The following ABLIM2 variants were observed in gnomAD, a reference collection of about 807,000 sequenced individuals.
ABLIM2 encodes actin binding LIM protein family member 2.
A neutral mutation model predicts 97.7 loss-of-function variants in ABLIM2; 53 were observed. The observed-to-expected ratio is 0.54, with a 90% CI of 0.44 to 0.68. ABLIM2 has a LOEUF of 0.68. Among genes scored for constraint, ABLIM2 ranks in the 30% least tolerant of loss-of-function variants. The probability of loss-of-function intolerance (pLI) is 0.00; values close to 1 mark genes in which losing one functional copy is unlikely to be tolerated. For synonymous variants in ABLIM2, 361 were observed against 345.8 expected, an observed-to-expected ratio of 1.04 and a Z score of -0.49; for missense variants, 835 against 867.2, an observed-to-expected ratio of 0.96 and a Z score of 0.47.
At chr4:7,979,822 G>C (rs1736583991) in intron 20 of ABLIM2, among the ~76,000 whole-genome samples, 1 of 152,186 alleles carries the variant, frequency 6.6e-6, no homozygotes, top group South Asian at 2.1e-4. Flanking sequence ...TGCATTCCTT[G>C]GGTCAAACTA....
intron 12 of ABLIM2, among the ~76,000 whole-genome samples, chr4:8,025,548 G>A (rs145594644): frequency 5.0e-4 from 76 of 152,348 alleles, no homozygotes; most frequent in Non-Finnish European, 8.2e-4. Context: ...CTCGGGAGCT[G>A]AGGAGGGGGC....
chr4:7,971,731 C>T (rs1728227428), intron 20 of ABLIM2, among the ~76,000 whole-genome samples: 1 of 152,120 alleles, frequency 6.6e-6, no homozygotes, highest in Non-Finnish European at 1.5e-5. Flanking sequence ...TACCAACCTC[C>T]AGCCCTAAGT....
Position 8,046,506 on chromosome 4 carries a change from C to T in ABLIM2, c.823-1265G>A, listed in dbSNP as rs577652572. Among the ~76,000 whole-genome samples the T allele has an allele frequency of 1.1e-4, 16 of 152,304 alleles. No homozygotes were observed. The East Asian group carries it at 2.7e-3, about 26-fold the overall frequency. On this transcript the variant is annotated intron_variant, in intron 8 of 20. Transcript: ENST00000447017. The surrounding 1 kb of genome is among the most constrained non-coding windows in gnomAD (Gnocchi z 4.4). ...AAGAGCTCAGCCCTCACTCTCCCCA[C>T]GGCCCCCACGTCCTCTGCTGCTTCG... is the stretch of plus-strand genomic sequence containing the variant.
In ABLIM2 at chr4:8,143,966, G is replaced by A. The variant is rs548705136; in HGVS notation, c.10+14714C>T. On this transcript the variant is annotated intron_variant, in intron 1 of 20. Transcript: ENST00000447017. ...GCAGGTCCTCACCGAGGAAACTGGC[G>A]CTCGGAGGGGAGGACTTAGGTCCTG... 1.4e-4 allele frequency among the ~76,000 whole-genome samples: 21 copies of A among 152,268 alleles called. No individual in the cohort carries two copies. In the South Asian group the frequency reaches 3.9e-3, roughly 29 times the overall value.
chr4:8,110,620 T>C lies in ABLIM2; in HGVS notation c.11-3983A>G, dbSNP rs1283801868. 2.6e-5 allele frequency among the ~76,000 whole-genome samples: 4 copies of C among 151,576 alleles called. No homozygotes were observed. The East Asian group carries it at 7.8e-4, about 29-fold the overall frequency. On this transcript the variant is annotated intron_variant, in intron 1 of 20. Coordinates refer to ENST00000447017, the MANE Select transcript of ABLIM2 (RefSeq NM_001130083.2). ...CAAGAACACTGGCCTGACATCACTG[T>C]TTCCAGGTGACTGGAAATATACTTG...
chr4:8,152,446 T>C (rs1406683088), intron 1 of ABLIM2, among the ~76,000 whole-genome samples: 1 of 152,208 alleles, frequency 6.6e-6, no homozygotes, highest in Non-Finnish European at 1.5e-5. Context: ...TATACGAGCA[T>C]CTGGCCCAGG....
At chr4:8,141,698 A>G (rs893645186) in intron 1 of ABLIM2, among the ~76,000 whole-genome samples, 3 of 152,176 alleles carry the variant, frequency 2.0e-5, no homozygotes, top group African/African-American at 7.2e-5. Flanking sequence ...TCAGCCAGTT[A>G]TGCTTGATAT....
chr4:8,070,911 C>T (rs984169658), intron 6 of ABLIM2, among the ~76,000 whole-genome samples: 2 of 152,122 alleles, frequency 1.3e-5, no homozygotes, highest in Admixed American at 6.5e-5. Flanking sequence ...CGAGGCACAC[C>T]GGTCCAGACC....
At position 8,123,611 on chromosome 4, in the gene ABLIM2, G is replaced by C. The variant is rs1314489528; in HGVS notation, c.11-16974C>G. Reference sequence around the variant, plus strand: ...CCAGGCAGGGGAAACTGGCTGCAGAGGCTCTGTGACATTCACTAACCACCT... The same window carrying C: ...CCAGGCAGGGGAAACTGGCTGCAGACGCTCTGTGACATTCACTAACCACCT... On this transcript the variant is annotated intron_variant, in intron 1 of 20. Coordinates refer to ENST00000447017, the MANE Select transcript of ABLIM2 (RefSeq NM_001130083.2). The surrounding 1 kb of genome is among the most constrained non-coding windows in gnomAD (Gnocchi z 6.2). Among the ~76,000 whole-genome samples the C allele has an allele frequency of 2.6e-5, 4 of 152,242 alleles. No individual in the cohort carries two copies. The highest frequency in any genetic ancestry group is 5.9e-5 in the Non-Finnish European group (4 of 68,040).
chr4:8,039,140 C>T (rs1364538562), intron 9 of ABLIM2, among the ~76,000 whole-genome samples: 1 of 152,216 alleles, frequency 6.6e-6, no homozygotes, highest in Non-Finnish European at 1.5e-5. Flanking sequence ...GACCCTTGCC[C>T]AGCTGTGAGG....
chr4:8,085,199 C>A lies in ABLIM2; in HGVS notation c.454+2970G>T, dbSNP rs1369026468. On this transcript the variant is annotated intron_variant, in intron 4 of 20. Transcript: ENST00000447017. This position sits in a 1 kb window ranked among gnomAD's most constrained non-coding sequence, Gnocchi z 6.1. ...AGCTCTGCCTCAAGAGCCAGCCACT[C>A]TCCCCTCCCCAGGGAGGGGCAGCCA... Among the ~76,000 whole-genome samples the A allele has an allele frequency of 2.0e-5, 3 of 152,110 alleles. No homozygotes were observed. The highest frequency in any genetic ancestry group is 1.3e-4 in the Admixed American group (2 of 15,288).
chr4:8,006,821 C>T (rs917232355), intron 16 of ABLIM2, among the ~76,000 whole-genome samples: 1 of 151,914 alleles, frequency 6.6e-6, no homozygotes, highest in East Asian at 1.9e-4. Flanking sequence ...GCAGTTCCTC[C>T]GGAAGGAGCA....
chr4:8,077,440 G>A (rs1359752346), intron 6 of ABLIM2, among the ~76,000 whole-genome samples, 188 bp downstream of exon 6: 1 of 152,246 alleles, frequency 6.6e-6, no homozygotes, highest in African/African-American at 2.4e-5. Context: ...GCTTCCTGGA[G>A]GAGGTGGCAC....
At position 7,970,835 on chromosome 4, in the gene ABLIM2, C is replaced by T. The variant is rs1049236805; in HGVS notation, c.1825-3732G>A. On this transcript the variant is annotated intron_variant, in intron 20 of 20. Transcript: ENST00000447017. This position sits in a 1 kb window ranked among gnomAD's most constrained non-coding sequence, Gnocchi z 5.3. ...GCAGACCACAGCAACAGGGAGGGGC[C>T]GGGGGTGTCCCGAGCATGTGGGCTG... Among the ~76,000 whole-genome samples the T allele has an allele frequency of 1.3e-5, 2 of 151,858 alleles. No individual in the cohort carries two copies. The highest frequency in any genetic ancestry group is 2.9e-5 in the Non-Finnish European group (2 of 67,950).
intron 12 of ABLIM2, among the ~76,000 whole-genome samples, chr4:8,027,275 C>T (rs1778027638): frequency 6.6e-6 from 1 of 152,196 alleles, no homozygotes; most frequent in African/African-American, 2.4e-5. Context: ...ATGGCTCATC[C>T]ACTCCTGGAA....
At chr4:8,010,525 G>A (rs1444135828) in intron 14 of ABLIM2, 1 of 985,922 alleles carries the variant, frequency 1.0e-6, no homozygotes, top group Non-Finnish European at 1.2e-6. Context: ...AGAGAGCTTG[G>A]AAATTTGGGA....
At chr4:8,030,064 C>G (rs966913513) in intron 10 of ABLIM2, among the ~76,000 whole-genome samples, 3 of 152,180 alleles carry the variant, frequency 2.0e-5, no homozygotes, top group East Asian at 1.9e-4. Flanking sequence ...CCGGTGGGGG[C>G]TCCAGCTTCA....
chr4:7,975,863 C>T lies in ABLIM2; in HGVS notation c.1824+7401G>A, dbSNP rs143882738. Among the ~76,000 whole-genome samples, 1,081 of 152,268 alleles carry T rather than the reference C, an allele frequency of 7.1e-3. 46 individuals carry two copies. The highest frequency in any genetic ancestry group is 0.062 in the Admixed American group (954 of 15,286). On this transcript the variant is annotated intron_variant, in intron 20 of 20. Transcript: ENST00000447017. ...AGAGACCATGAGCCCTTCAAGTAGGCCTGAGCGAATGCCCGACTTCAGAGG... is the reference window on the plus strand; with the variant it reads ...AGAGACCATGAGCCCTTCAAGTAGGTCTGAGCGAATGCCCGACTTCAGAGG...
rs763512446 is a variant in ABLIM2, at chr4:8,068,417, C to T, written c.676-7363G>A. Reference sequence around the variant, plus strand: ...CAGCCAGTGCTGGGTCAGAGGGCAGCGGTTTAAGGGACGTCCCCACTGTGA... The same window carrying T: ...CAGCCAGTGCTGGGTCAGAGGGCAGTGGTTTAAGGGACGTCCCCACTGTGA... On this transcript the variant is annotated intron_variant, in intron 6 of 20. Coordinates refer to ENST00000447017, the MANE Select transcript of ABLIM2 (RefSeq NM_001130083.2). This position sits in a 1 kb window ranked among gnomAD's most constrained non-coding sequence, Gnocchi z 4.5. 2.6e-5 allele frequency among the ~76,000 whole-genome samples: 4 copies of T among 152,128 alleles called. No individual in the cohort carries two copies. Among genetic ancestry groups the T allele is most frequent in the Admixed American group, 6.5e-5 (1 of 15,276 alleles).
Sources: gnomAD v4.1 joint callset for allele counts (sites outside exome capture counted in the v4.1 genomes callset) on GRCh38, gnomAD v4.1.1 for gene constraint, Gnocchi (gnomAD v3.1) non-coding constraint, MANE v1.5 for transcripts, NCBI Gene and HGNC (gene_info 2026-07-23, HGNC 2026-07-21) for gene names.